The following SLC25A43 variants were observed in gnomAD, a reference collection of about 807,000 sequenced individuals.
The protein encoded by SLC25A43 is solute carrier family 25 member 43.
A neutral mutation model predicts 22.8 loss-of-function variants in SLC25A43; 10 were observed. The observed-to-expected ratio is 0.44, with a 90% confidence interval of 0.27 to 0.74. The LOEUF (loss-of-function observed/expected upper bound fraction) is 0.74. Among genes scored for constraint, SLC25A43 ranks in the 30% least tolerant of loss-of-function variants. The probability of loss-of-function intolerance (pLI) is 0.17; values close to 1 mark genes in which losing one functional copy is unlikely to be tolerated. For synonymous variants in SLC25A43, 106 were observed against 121.6 expected, an observed-to-expected ratio of 0.87 and a Z score of 0.84; for missense variants, 233 against 279.1, an observed-to-expected ratio of 0.83 and a Z score of 1.18.
intron 3 of SLC25A43, among the ~76,000 whole-genome samples, chrX:119,415,730 C>T (rs1004206841): frequency 2.9e-5 from 3 of 102,227 alleles, no homozygotes; most frequent in South Asian, 9.1e-4. Flanking sequence ...GCACAGGTGC[C>T]GTGACTCCTG....
intron 2 of SLC25A43, 145 bp downstream of exon 2, chrX:119,406,846 A>G: frequency 1.4e-6 from 1 of 707,965 alleles, no homozygotes; most frequent in Non-Finnish European, 2.0e-6. Context: ...AATTAGCTTC[A>G]TTCTATTCCA....
At chrX:119,450,271 A>T (rs1056481029) in intron 3 of SLC25A43, among the ~76,000 whole-genome samples, 1 of 111,757 alleles carries the variant, frequency 8.9e-6, no homozygotes, top group Non-Finnish European at 1.9e-5. Context: ...TTGCCCCCTA[A>T]GAAATCCAGT....
At chrX:119,432,954 C>CA (rs200206560) in intron 3 of SLC25A43, among the ~76,000 whole-genome samples, 6,027 of 108,566 alleles carry the variant, frequency 0.056, 168 homozygotes, top group South Asian at 0.097. Context: ...ACTAAAAATA[C>CA]AAAAAAAATA....
Position 119,406,702 on chromosome X carries a change from G to A in SLC25A43, c.517+1G>A. ...CGAGGGGTTTCCCTCACTGTTGTAGGTAAGATGGACCTTTTCACCTTGTCC... is the reference window on the plus strand; with the variant it reads ...CGAGGGGTTTCCCTCACTGTTGTAGATAAGATGGACCTTTTCACCTTGTCC... On this transcript the variant is annotated splice_donor_variant, in intron 2 of 4. Coordinates refer to ENST00000217909, the MANE Select transcript of SLC25A43 (RefSeq NM_145305.3). LOFTEE classifies it high-confidence loss of function. 1 of 1,209,821 alleles carries A rather than the reference G, an allele frequency of 8.3e-7. No homozygotes were observed. Among genetic ancestry groups the A allele is most frequent in the Non-Finnish European group, 1.1e-6 (1 of 894,231 alleles).
intron 3 of SLC25A43, among the ~76,000 whole-genome samples, chrX:119,412,695 T>C (rs190869434): frequency 8.9e-6 from 1 of 112,469 alleles, no homozygotes; most frequent in East Asian, 2.8e-4. Context: ...CTTCTAGTGC[T>C]ATTTATGTGT....
At chrX:119,442,957 G>A (rs985328078) in intron 3 of SLC25A43, among the ~76,000 whole-genome samples, 2 of 111,023 alleles carry the variant, frequency 1.8e-5, no homozygotes, top group Non-Finnish European at 3.8e-5. Context: ...CTAGAGATAC[G>A]AAAATTAAAA....
intron 2 of SLC25A43, among the ~76,000 whole-genome samples, chrX:119,408,352 C>T (rs1025543380): frequency 8.0e-5 from 9 of 111,969 alleles, no homozygotes; most frequent in African/African-American, 1.3e-4. Flanking sequence ...CAAAAGTTCT[C>T]TCTTTCATCA....
intron 3 of SLC25A43, among the ~76,000 whole-genome samples, chrX:119,414,363 C>T (rs1164959292): frequency 3.6e-5 from 4 of 111,380 alleles, no homozygotes; most frequent in Non-Finnish European, 7.5e-5. Flanking sequence ...GCTTCTAATG[C>T]TGTTTATGTG....
At chrX:119,415,497 C>G (rs1048957245) in intron 3 of SLC25A43, among the ~76,000 whole-genome samples, 8 of 107,855 alleles carry the variant, frequency 7.4e-5, no homozygotes, top group African/African-American at 2.7e-4. Flanking sequence ...GAGTTCGAGA[C>G]CAGCCGGGCC....
intron 3 of SLC25A43, among the ~76,000 whole-genome samples, chrX:119,442,014 C>T (rs1190320157): frequency 1.8e-5 from 2 of 111,294 alleles, no homozygotes; most frequent in African/African-American, 3.3e-5. Flanking sequence ...CGCTTGAACC[C>T]GGGAGACGGA....
At chrX:119,406,433 C>CT (rs1222813649) in intron 1 of SLC25A43, 27 bp from the exon 2 acceptor site, 2 of 1,205,434 alleles carry the variant, frequency 1.7e-6, no homozygotes, top group African/African-American at 1.7e-5. Context: ...GTTGATTTCT[C>CT]TGGCCTTTCC....
chrX:119,451,900 G>A, intron 3 of SLC25A43, 109 bp from the exon 4 acceptor site: 1 of 1,179,556 alleles, frequency 8.5e-7, no homozygotes, highest in Admixed American at 2.3e-5. Context: ...CATCATCTTG[G>A]CCAGGAACCC....
intron 3 of SLC25A43, among the ~76,000 whole-genome samples, chrX:119,414,810 C>A (rs185749025): frequency 9.2e-6 from 1 of 108,306 alleles, no homozygotes; most frequent in East Asian, 2.9e-4. Flanking sequence ...TGCAGTGGTG[C>A]GATCTCAGCT....
intron 3 of SLC25A43, among the ~76,000 whole-genome samples, chrX:119,443,848 C>T (rs1362456590): frequency 1.8e-5 from 2 of 109,572 alleles, no homozygotes; most frequent in Admixed American, 9.9e-5. Flanking sequence ...TGGGCTCGGT[C>T]GATCCTCCTG....
intron 3 of SLC25A43, among the ~76,000 whole-genome samples, chrX:119,429,255 T>C (rs1239868178): frequency 9.0e-6 from 1 of 110,896 alleles, no homozygotes; most frequent in South Asian, 3.8e-4. Flanking sequence ...TTTCACCATG[T>C]TGGCCAGGAT....
chrX:119,430,781 A>G (rs1240139906), intron 3 of SLC25A43, among the ~76,000 whole-genome samples: 1 of 112,412 alleles, frequency 8.9e-6, no homozygotes, highest in African/African-American at 3.2e-5. Flanking sequence ...ACTGGGATCT[A>G]GGCTTGCCAT....
At chrX:119,444,482 G>C in intron 3 of SLC25A43, among the ~76,000 whole-genome samples, 1 of 109,250 alleles carries the variant, frequency 9.2e-6, no homozygotes, top group East Asian at 2.9e-4. Flanking sequence ...GAGGTGGGTG[G>C]ATCACGAGGT....
intron 3 of SLC25A43, among the ~76,000 whole-genome samples, chrX:119,443,758 T>G (rs1202749730): frequency 9.2e-6 from 1 of 109,070 alleles, no homozygotes; most frequent in Non-Finnish European, 1.9e-5. Flanking sequence ...TTATTTTTAT[T>G]TTTTTGAAAC....
intron 3 of SLC25A43, among the ~76,000 whole-genome samples, chrX:119,425,564 T>C (rs1639438270): frequency 9.2e-6 from 1 of 109,223 alleles, no homozygotes. Context: ...GTCATCTTAC[T>C]TTTAGGTCTG....
Sources: allele counts gnomAD v4.1 joint callset (sites outside exome capture counted in the v4.1 genomes callset), GRCh38; gene constraint gnomAD v4.1.1; transcripts MANE v1.5; gene names NCBI Gene and HGNC (gene_info 2026-07-23, HGNC 2026-07-21).